Variants in OSBPL5 observed in about 807,000 individuals in gnomAD.
OSBPL5 encodes the protein oxysterol-binding protein-related protein 5.
Under a neutral mutation model 111.2 loss-of-function variants are expected in OSBPL5, and 71 were observed. That is an observed-to-expected ratio of 0.64 (90% CI 0.53 to 0.78). The LOEUF is 0.78. OSBPL5 is among the 30% of genes least tolerant of loss of function. The pLI, the probability that OSBPL5 is intolerant of heterozygous loss-of-function variation, is 0.00. For missense variants in OSBPL5, 1,210 were observed against 1,189.3 expected (o/e 1.02, Z -0.26); for synonymous variants, 549 against 513.9 (o/e 1.07, Z -0.93).
chr11:3,123,450 C>T (rs191713000), intron 3 of OSBPL5, among the ~76,000 whole-genome samples: 16 of 152,368 alleles, frequency 1.1e-4, no homozygotes, highest in Admixed American at 3.9e-4. Flanking sequence ...CATGGCCAGG[C>T]GATCCGGCAG....
At chr11:3,160,821 A>G (rs937355515) in intron 1 of OSBPL5, 4 of 152,038 alleles carry the variant, frequency 2.6e-5, no homozygotes, top group African/African-American at 9.7e-5. Flanking sequence ...GGCCAGCGAG[A>G]GAAGGGACAA....
intron 2 of OSBPL5, among the ~76,000 whole-genome samples, chr11:3,128,384 G>A (rs890966219): frequency 3.3e-5 from 5 of 152,240 alleles, no homozygotes; most frequent in African/African-American, 1.2e-4. Flanking sequence ...AGGAAGGGCT[G>A]GGTTTTCTGG....
intron 10 of OSBPL5, 132 bp from the exon 11 acceptor site, chr11:3,103,452 T>C (rs1857526802): frequency 5.5e-6 from 4 of 722,362 alleles, no homozygotes; most frequent in Non-Finnish European, 6.8e-6. Context: ...GCCCAGGCGC[T>C]CTGGTCACCC....
rs543482834 is a variant in OSBPL5, at chr11:3,143,929, TC to T, written c.-21-14761del. Among the ~76,000 whole-genome samples, 83 of 152,300 alleles carry T rather than the reference TC, an allele frequency of 5.4e-4. 1 individual carries two copies. Among genetic ancestry groups the T allele is most frequent in the African/African-American group, 1.9e-3 (79 of 41,554 alleles). ...GCTGTGGAATCGACAGCTCTTGGGA[TC>T]ATCCTGTGTGGTGGGAGCTATGGGG... On this transcript the variant is annotated intron_variant, in intron 1 of 21. Coordinates refer to ENST00000263650, the MANE Select transcript of OSBPL5 (RefSeq NM_020896.4).
rs1378797111 is a variant in OSBPL5 at position 3,105,511 on chromosome 11, T to C, written c.1060-1134A>G. Among the ~76,000 whole-genome samples the C allele has an allele frequency of 2.0e-5, 3 of 152,128 alleles. No individual in the cohort carries two copies. Among genetic ancestry groups the C allele is most frequent in the Non-Finnish European group, 4.4e-5 (3 of 68,012 alleles). On this transcript the variant is annotated intron_variant, in intron 9 of 21. Coordinates refer to ENST00000263650, the MANE Select transcript of OSBPL5 (RefSeq NM_020896.4). The surrounding 1 kb of genome is among the most constrained non-coding windows in gnomAD (Gnocchi z 5.2). ...GCTGTCAGGAATCCTGCTCTGTCCATGTGCTCCCGTCCCGTCCTCCTTAAC... is the reference window on the plus strand; with the variant it reads ...GCTGTCAGGAATCCTGCTCTGTCCACGTGCTCCCGTCCCGTCCTCCTTAAC...
chr11:3,146,072 C>T lies in OSBPL5; in HGVS notation c.-21-16903G>A, dbSNP rs1475628895. Reference sequence around the variant, plus strand: ...GCAAGCCAGACCCAGGGGCCTTGGCCCCAGGAGCCCACAGAAGCCGAGTGT... The same window carrying T: ...GCAAGCCAGACCCAGGGGCCTTGGCTCCAGGAGCCCACAGAAGCCGAGTGT... On this transcript the variant is annotated intron_variant, in intron 1 of 21. Transcript: ENST00000263650. The surrounding 1 kb of genome is among the most constrained non-coding windows in gnomAD (Gnocchi z 7.8). The T allele has an allele frequency of 6.6e-6, 1 of 152,182 alleles. No individual in the cohort carries two copies. Among genetic ancestry groups the T allele is most frequent in the East Asian group, 1.9e-4 (1 of 5,188 alleles). 9.4% of individuals were successfully genotyped at this position (152,182 alleles called of 1,614,324 possible).
At chr11:3,127,558 C>T (rs769091637) in intron 2 of OSBPL5, among the ~76,000 whole-genome samples, 4 of 152,322 alleles carry the variant, frequency 2.6e-5, no homozygotes, top group South Asian at 4.1e-4. Context: ...GCTGCTCCCC[C>T]ACCTGGGAGC....
rs185131963 is a variant in OSBPL5 at position 3,162,561 on chromosome 11, C to G, written c.-22+2655G>C. 6.6e-6 allele frequency among the ~76,000 whole-genome samples: 1 copy of G among 151,960 alleles called. No individual in the cohort carries two copies. The highest frequency in any genetic ancestry group is 2.4e-5 in the African/African-American group (1 of 41,370). On this transcript the variant is annotated intron_variant, in intron 1 of 21. Coordinates refer to ENST00000263650, the MANE Select transcript of OSBPL5 (RefSeq NM_020896.4). The surrounding 1 kb of genome is among the most constrained non-coding windows in gnomAD (Gnocchi z 8.1). ...TGTGATGCTAAGAGAACAACGCGGT[C>G]CTTAGTCCAAGTCCTTTGTACTCGA...
At chr11:3,150,218 G>T (rs1016622447) in intron 1 of OSBPL5, among the ~76,000 whole-genome samples, 1 of 152,160 alleles carries the variant, frequency 6.6e-6, no homozygotes, top group Non-Finnish European at 1.5e-5. Flanking sequence ...AGTACAAAAA[G>T]GCAAGTTGCC....
rs2134454694 is a variant in OSBPL5 at position 3,120,513 on chromosome 11, G to A, written c.514C>T (p.His172Tyr). 1 of 1,613,326 alleles carries A rather than the reference G, an allele frequency of 6.2e-7. No individual in the cohort carries two copies. The highest frequency in any genetic ancestry group is 8.5e-7 in the Non-Finnish European group (1 of 1,180,008). The change falls in exon 6 of 22, where the codon CAC becomes TAC. Residue 172 changes from histidine (H) to tyrosine (Y), a missense_variant. Transcript: ENST00000263650. ...VGQWVGTVLL[H>Y]CCELIERPSK... ...GGCCGCTCGATGAGCTCGCAGCAGTGCAGCAGCACCGTGCCCACCCACTGG... is the reference window on the plus strand; with the variant it reads ...GGCCGCTCGATGAGCTCGCAGCAGTACAGCAGCACCGTGCCCACCCACTGG...
rs1203331427 is a variant in OSBPL5, at chr11:3,089,738, A to AC, written c.2501+107dup. On this transcript the variant is annotated intron_variant, in intron 21 of 21. Coordinates refer to ENST00000263650, the MANE Select transcript of OSBPL5 (RefSeq NM_020896.4). The stretch of plus-strand genomic sequence containing the variant: ...GGTCTTGTGGGTTCCAGCTCCGATG[A>AC]CAACCCCAGCCGCGGCCTCCTGGCC... 3.0e-6 allele frequency: 3 copies of AC among 1,012,204 alleles called. No individual in the cohort carries two copies. In the African/African-American group the frequency reaches 4.8e-5, roughly 16 times the overall value. 62.7% of individuals were successfully genotyped at this position (1,012,204 alleles called of 1,614,324 possible).
At chr11:3,129,520 T>A (rs1858752790) in intron 1 of OSBPL5, among the ~76,000 whole-genome samples, 1 of 151,998 alleles carries the variant, frequency 6.6e-6, no homozygotes, top group African/African-American at 2.4e-5. Flanking sequence ...TAGACACAGG[T>A]TTTCCCTCCC....
At chr11:3,111,306 A>G (rs547278891) in intron 7 of OSBPL5, among the ~76,000 whole-genome samples, 5 of 151,780 alleles carry the variant, frequency 3.3e-5, no homozygotes, top group African/African-American at 1.2e-4. Context: ...AAGGCAGGTA[A>G]CTCCTTTATG....
chr11:3,156,612 C>G (rs1268598605), intron 1 of OSBPL5, among the ~76,000 whole-genome samples: 1 of 152,240 alleles, frequency 6.6e-6, no homozygotes, highest in Non-Finnish European at 1.5e-5. Flanking sequence ...AAAGCAAATA[C>G]AAGCCAGGTG....
At chr11:3,088,416 T>A in intron 21 of OSBPL5, 73 bp from the exon 22 acceptor site, 1 of 1,379,816 alleles carries the variant, frequency 7.2e-7, no homozygotes, top group Non-Finnish European at 9.4e-7. Context: ...GCCAGGACAG[T>A]GCCCTGGGTA....
chr11:3,143,640 T>C (rs1846224254), intron 1 of OSBPL5, among the ~76,000 whole-genome samples: 1 of 152,228 alleles, frequency 6.6e-6, no homozygotes, highest in African/African-American at 2.4e-5. Context: ...GCCCACGCAG[T>C]GTCCAGGACG....
intron 1 of OSBPL5, among the ~76,000 whole-genome samples, chr11:3,160,538 T>C (rs566759639): frequency 2.0e-5 from 3 of 152,210 alleles, no homozygotes; most frequent in Non-Finnish European, 4.4e-5. Flanking sequence ...TGACTCTGTC[T>C]TATTCGCCGC....
chr11:3,121,614 G>C lies in OSBPL5; in HGVS notation c.402+383C>G, dbSNP rs1858420739. Reference sequence around the variant, plus strand: ...GCGAGTGAATGGCCACGGTCTCCGTGAGGTCTGAACACAGGACACCCGGCC... The same window carrying C: ...GCGAGTGAATGGCCACGGTCTCCGTCAGGTCTGAACACAGGACACCCGGCC... On this transcript the variant is annotated intron_variant, in intron 5 of 21. Transcript: ENST00000263650. The surrounding 1 kb of genome is among the most constrained non-coding windows in gnomAD (Gnocchi z 4.3). Among the ~76,000 whole-genome samples, 1 of 152,164 alleles carries C rather than the reference G, an allele frequency of 6.6e-6. No individual in the cohort carries two copies.
At position 3,132,561 on chromosome 11, in the gene OSBPL5, C is replaced by A. The variant is rs1845841308; in HGVS notation, c.-21-3392G>T. ...CCTGTTCCCCAAGCCCTCCCGCCAC[C>A]CCATTCCCCAGCCCACTCTGTCGCC... On this transcript the variant is annotated intron_variant, in intron 1 of 21. Transcript: ENST00000263650. Among the ~76,000 whole-genome samples, 3 of 152,184 alleles carry A rather than the reference C, an allele frequency of 2.0e-5. No homozygotes were observed. The South Asian group carries it at 6.2e-4, about 32-fold the overall frequency.
Sources: allele counts gnomAD v4.1 joint callset (sites outside exome capture counted in the v4.1 genomes callset), GRCh38; gene constraint gnomAD v4.1.1; non-coding constraint Gnocchi (gnomAD v3.1); transcripts MANE v1.5; gene names NCBI Gene and HGNC (gene_info 2026-07-23, HGNC 2026-07-21).